Variants in WWOX observed in about 807,000 individuals in gnomAD.
WWOX encodes the protein WW domain containing oxidoreductase, also known as WW domain-containing oxidoreductase.
A neutral mutation model predicts 46.2 loss-of-function variants in WWOX; 69 were observed. The observed-to-expected ratio is 1.49, with a 90% CI of 1.23 to 1.82. The LOEUF is 1.82. Ranked by LOEUF, WWOX falls within the 40% of genes most tolerant of loss-of-function variation. The pLI is 0.00. For synonymous variants in WWOX, 359 were observed against 202.6 expected (o/e 1.77, Z -6.56); for missense variants, 919 against 542.6 (o/e 1.69, Z -6.89).
intron 8 of WWOX, among the ~76,000 whole-genome samples, chr16:78,791,268 C>T (rs1023550572): frequency 6.6e-6 from 1 of 152,060 alleles, no homozygotes. Context: ...TCCGATCCAC[C>T]AGGCACTCGG....
At chr16:79,193,526 A>T (rs2051178435) in intron 8 of WWOX, among the ~76,000 whole-genome samples, 1 of 152,180 alleles carries the variant, frequency 6.6e-6, no homozygotes, top group Non-Finnish European at 1.5e-5. Flanking sequence ...ACCTCAGAGT[A>T]TGAAAGTGCT....
intron 8 of WWOX, among the ~76,000 whole-genome samples, chr16:78,881,331 T>C (rs2044339412): frequency 6.6e-6 from 1 of 152,190 alleles, no homozygotes; most frequent in African/African-American, 2.4e-5. Flanking sequence ...ACATAGTTAC[T>C]GCTGCCCAGG....
At chr16:78,931,768 T>C (rs563292498) in intron 8 of WWOX, among the ~76,000 whole-genome samples, 1 of 152,336 alleles carries the variant, frequency 6.6e-6, no homozygotes, top group Non-Finnish European at 1.5e-5. Flanking sequence ...AGGTTAGCAG[T>C]ACCCACTTGA....
intron 5 of WWOX, among the ~76,000 whole-genome samples, chr16:78,220,628 A>G: frequency 6.6e-6 from 1 of 152,168 alleles, no homozygotes; most frequent in Non-Finnish European, 1.5e-5. Flanking sequence ...TATTTGAAAT[A>G]TGCTTAATGT....
At chr16:79,019,051 G>T (rs528887281) in intron 8 of WWOX, among the ~76,000 whole-genome samples, 1 of 150,362 alleles carries the variant, frequency 6.7e-6, no homozygotes, top group African/African-American at 2.5e-5. Context: ...CAGCTATTCC[G>T]GAAGCTGAGG....
chr16:78,733,788 A>G (rs565576772), intron 8 of WWOX, among the ~76,000 whole-genome samples: 1 of 151,886 alleles, frequency 6.6e-6, no homozygotes, highest in African/African-American at 2.4e-5. Context: ...TAACTAGGCT[A>G]GGCACAGTGG....
intron 8 of WWOX, among the ~76,000 whole-genome samples, chr16:78,682,044 AT>A (rs752415239): frequency 2.8e-4 from 42 of 152,198 alleles, no homozygotes; most frequent in Non-Finnish European, 5.9e-4. Flanking sequence ...GTTGTTCTCC[AT>A]GCTCCAAATG....
intron 8 of WWOX, among the ~76,000 whole-genome samples, chr16:78,671,843 T>C (rs1326454578): frequency 1.3e-5 from 2 of 152,090 alleles, no homozygotes; most frequent in Non-Finnish European, 1.5e-5. Flanking sequence ...AGTAGAAAAA[T>C]ACATGTCAAT....
rs1274999113 is a variant in WWOX at position 78,574,999 on chromosome 16, TTA to T, written c.1056+142268_1056+142269del. Reference sequence around the variant, plus strand: ...AATATATTCAATATTTATTTTTCAATTATATATATATATATATATATAAATAT... The same window carrying T: ...AATATATTCAATATTTATTTTTCAATTATATATATATATATATATAAATAT... On this transcript the variant is annotated intron_variant, in intron 8 of 8. Transcript: ENST00000566780. 5.8e-3 allele frequency among the ~76,000 whole-genome samples: 215 copies of T among 37,004 alleles called. 6 individuals carry two copies. Among genetic ancestry groups the T allele is most frequent in the East Asian group, 0.012 (12 of 994 alleles). 24.3% of individuals were successfully genotyped at this position (37,004 alleles called of 152,430 possible).
At chr16:78,418,626 CCAAA>C (rs2082854310) in intron 6 of WWOX, among the ~76,000 whole-genome samples, 1 of 152,044 alleles carries the variant, frequency 6.6e-6, no homozygotes. Context: ...TGGAATTTAT[CCAAA>C]CAATTCACGG....
At chr16:78,715,201 C>T (rs956980251) in intron 8 of WWOX, among the ~76,000 whole-genome samples, 19 of 152,158 alleles carry the variant, frequency 1.2e-4, no homozygotes, top group African/African-American at 4.1e-4. Flanking sequence ...GAAAAGAGTT[C>T]AGTTGCAAGT....
intron 8 of WWOX, among the ~76,000 whole-genome samples, chr16:79,190,043 A>T (rs970498666): frequency 7.4e-4 from 113 of 151,830 alleles, no homozygotes; most frequent in African/African-American, 2.7e-3. Flanking sequence ...TATTATTATT[A>T]TTTTTTGAGA....
chr16:78,928,194 A>G (rs1597162422), intron 8 of WWOX, among the ~76,000 whole-genome samples: 1 of 145,062 alleles, frequency 6.9e-6, no homozygotes, highest in Non-Finnish European at 1.5e-5. Flanking sequence ...GCTTTTCCCT[A>G]CCACTTTTCT....
At chr16:78,642,866 T>C (rs1406380999) in intron 8 of WWOX, among the ~76,000 whole-genome samples, 2 of 152,280 alleles carry the variant, frequency 1.3e-5, no homozygotes, top group African/African-American at 2.4e-5. Context: ...ATCAACCAAA[T>C]TCTGGAATCC....
At chr16:78,916,352 C>T (rs968727952) in intron 8 of WWOX, among the ~76,000 whole-genome samples, 3 of 152,070 alleles carry the variant, frequency 2.0e-5, no homozygotes, top group Admixed American at 1.3e-4. Context: ...TCAAGAAGCT[C>T]GTTCGACAGC....
intron 8 of WWOX, among the ~76,000 whole-genome samples, chr16:78,562,093 C>G (rs1398033888): frequency 2.0e-5 from 3 of 152,148 alleles, no homozygotes; most frequent in African/African-American, 7.2e-5. Flanking sequence ...ACTTCCCCTG[C>G]CCTTTTCTCA....
Position 78,630,673 on chromosome 16 carries a change from C to G in WWOX, c.1056+197921C>G, listed in dbSNP as rs142859250. Among the ~76,000 whole-genome samples, 88 of 152,276 alleles carry G rather than the reference C, an allele frequency of 5.8e-4. 4 individuals are homozygous for G. In the East Asian group the frequency reaches 0.015, roughly 26 times the overall value. On this transcript the variant is annotated intron_variant, in intron 8 of 8. Transcript: ENST00000566780. ...CACCATTTCCCTGTGCTCATTTTGCCTTGCATCCTTTTGCTGTGATAAATC... is the reference window on the plus strand; with the variant it reads ...CACCATTTCCCTGTGCTCATTTTGCGTTGCATCCTTTTGCTGTGATAAATC...
chr16:78,752,917 G>C (rs779773137), intron 8 of WWOX, among the ~76,000 whole-genome samples: 4 of 152,194 alleles, frequency 2.6e-5, no homozygotes, highest in Admixed American at 6.5e-5. Context: ...CAGCAGCAAC[G>C]GCACACTCCA....
Position 78,585,031 on chromosome 16 carries a change from C to G in WWOX, c.1056+152279C>G, listed in dbSNP as rs80193223. 2.0e-5 allele frequency among the ~76,000 whole-genome samples: 3 copies of G among 152,304 alleles called. No homozygotes were observed. The East Asian group carries it at 5.8e-4, about 29-fold the overall frequency. ...TGACCGCTTGACCTAATTCCCTATT[C>G]AGCTGAGGCCTCCACCCCTGGCCTG... On this transcript the variant is annotated intron_variant, in intron 8 of 8. Coordinates refer to ENST00000566780, the MANE Select transcript of WWOX (RefSeq NM_016373.4).
Sources: allele counts gnomAD v4.1 joint callset (sites outside exome capture counted in the v4.1 genomes callset), GRCh38; gene constraint gnomAD v4.1.1; transcripts MANE v1.5; gene names NCBI Gene and HGNC (gene_info 2026-07-23, HGNC 2026-07-21).